Variants in SH3GL2 observed in about 807,000 individuals in gnomAD.
SH3GL2 encodes the protein SH3 domain containing GRB2 like 2, endophilin A1, also known as endophilin-A1.
In SH3GL2, 24 loss-of-function variants were observed where a neutral mutation model predicts 46.0. The ratio of observed to expected loss-of-function variants is 0.52; its 90% confidence interval spans 0.38 to 0.73. SH3GL2 has a LOEUF of 0.73. Among genes scored for constraint, SH3GL2 ranks in the 30% least tolerant of loss-of-function variants. SH3GL2 has a pLI of 0.00. For synonymous variants in SH3GL2, 196 were observed against 147.1 expected, an observed-to-expected ratio of 1.33 and a Z score of -2.40; for missense variants, 413 against 424.2, an observed-to-expected ratio of 0.97 and a Z score of 0.23.
intron 1 of SH3GL2, among the ~76,000 whole-genome samples, chr9:17,711,144 A>G (rs2118271223): frequency 6.6e-6 from 1 of 151,958 alleles, no homozygotes; most frequent in Admixed American, 6.6e-5. Flanking sequence ...AGGTGCTTCA[A>G]AGGATGCCTG....
intron 1 of SH3GL2, among the ~76,000 whole-genome samples, chr9:17,588,243 G>A (rs925241966): frequency 3.3e-5 from 5 of 151,908 alleles, no homozygotes; most frequent in African/African-American, 1.2e-4. Context: ...ATGTTCATAA[G>A]CCAGGCCTGG....
chr9:17,640,515 T>A (rs1055937212), intron 1 of SH3GL2, among the ~76,000 whole-genome samples: 2 of 152,164 alleles, frequency 1.3e-5, no homozygotes, highest in African/African-American at 4.8e-5. Flanking sequence ...ACCAACAACG[T>A]TGGTATGATT....
intron 2 of SH3GL2, among the ~76,000 whole-genome samples, chr9:17,748,180 T>C (rs893806051): frequency 9.2e-5 from 14 of 152,342 alleles, no homozygotes; most frequent in Admixed American, 9.1e-4. Flanking sequence ...TCTTTTACTT[T>C]AACGCTCTTC....
chr9:17,761,620 C>A, intron 3 of SH3GL2, 111 bp downstream of exon 3: 1 of 802,068 alleles, frequency 1.2e-6, no homozygotes, highest in South Asian at 1.3e-5. Context: ...CTTCCTCGGT[C>A]CACTTTTCTG....
At chr9:17,790,271 G>A (rs182842156) in intron 6 of SH3GL2, 1 of 178,954 alleles carries the variant, frequency 5.6e-6, no homozygotes, top group Non-Finnish European at 1.1e-5. Flanking sequence ...AGTCTACTAA[G>A]TGAATGCCAG....
intron 1 of SH3GL2, among the ~76,000 whole-genome samples, chr9:17,608,293 G>A (rs190314247): frequency 2.6e-4 from 39 of 151,742 alleles, no homozygotes; most frequent in Admixed American, 1.7e-3. Context: ...GACTACAGGC[G>A]CCCACCACCA....
chr9:17,750,619 CT>C (rs1248915645), intron 2 of SH3GL2, among the ~76,000 whole-genome samples: 2 of 152,106 alleles, frequency 1.3e-5, no homozygotes, highest in African/African-American at 4.8e-5. Context: ...TGCTTACAAG[CT>C]TTGTTAAACA....
intron 1 of SH3GL2, among the ~76,000 whole-genome samples, chr9:17,717,170 T>G (rs1020124115): frequency 6.6e-6 from 1 of 152,070 alleles, no homozygotes; most frequent in Non-Finnish European, 1.5e-5. Flanking sequence ...ACTTGTGGAG[T>G]CTCCTATTCG....
intron 1 of SH3GL2, among the ~76,000 whole-genome samples, chr9:17,703,001 T>C (rs961712729): frequency 6.6e-6 from 1 of 152,038 alleles, no homozygotes; most frequent in Non-Finnish European, 1.5e-5. Context: ...TATCCTGCCT[T>C]AAAAATCGCT....
At chr9:17,743,997 A>G (rs1185130463) in intron 1 of SH3GL2, among the ~76,000 whole-genome samples, 1 of 152,176 alleles carries the variant, frequency 6.6e-6, no homozygotes, top group Non-Finnish European at 1.5e-5. Context: ...ATCTATAATG[A>G]TTCTCTTTGA....
intron 1 of SH3GL2, among the ~76,000 whole-genome samples, chr9:17,680,088 C>T (rs1820728042): frequency 1.3e-5 from 2 of 152,042 alleles, no homozygotes; most frequent in Non-Finnish European, 2.9e-5. Flanking sequence ...GTCTAAAATT[C>T]TCTTTTTTTG....
At chr9:17,637,786 A>G (rs900989874) in intron 1 of SH3GL2, among the ~76,000 whole-genome samples, 16 of 152,230 alleles carry the variant, frequency 1.1e-4, no homozygotes, top group African/African-American at 3.9e-4. Flanking sequence ...AGTGCCTAGC[A>G]TAATGTCATG....
chr9:17,720,491 G>A (rs1457322966), intron 1 of SH3GL2, among the ~76,000 whole-genome samples: 1 of 152,036 alleles, frequency 6.6e-6, no homozygotes, highest in African/African-American at 2.4e-5. Context: ...CAGCTGGATT[G>A]GTTACAACTC....
chr9:17,662,868 C>T (rs1264689166), intron 1 of SH3GL2, among the ~76,000 whole-genome samples: 1 of 152,128 alleles, frequency 6.6e-6, no homozygotes, highest in Admixed American at 6.5e-5. Flanking sequence ...CGCCACCACG[C>T]CCAGCTCATT....
intron 1 of SH3GL2, among the ~76,000 whole-genome samples, chr9:17,674,478 G>A (rs1820556773): frequency 6.6e-6 from 1 of 151,984 alleles, no homozygotes; most frequent in Admixed American, 6.6e-5. Context: ...TATCGCCCAG[G>A]CTGTGTCAAA....
At chr9:17,774,924 G>T (rs912183387) in intron 3 of SH3GL2, among the ~76,000 whole-genome samples, 5 of 149,648 alleles carry the variant, frequency 3.3e-5, no homozygotes, top group East Asian at 3.9e-4. Flanking sequence ...GCTTGTTTTT[G>T]TTGGGAGATT....
At chr9:17,621,684 C>T (rs1201662846) in intron 1 of SH3GL2, among the ~76,000 whole-genome samples, 3 of 152,160 alleles carry the variant, frequency 2.0e-5, no homozygotes, top group Non-Finnish European at 4.4e-5. Context: ...GCTGTGAGGG[C>T]ACCTAGGACT....
chr9:17,666,087 G>A (rs906514254), intron 1 of SH3GL2, among the ~76,000 whole-genome samples: 17 of 151,418 alleles, frequency 1.1e-4, no homozygotes, highest in African/African-American at 3.9e-4. Flanking sequence ...CTACCCTACA[G>A]CACCATGAAA....
intron 1 of SH3GL2, among the ~76,000 whole-genome samples, chr9:17,718,667 C>T (rs1319962830): frequency 2.0e-5 from 3 of 152,056 alleles, no homozygotes; most frequent in Admixed American, 6.6e-5. Context: ...GAGATCAAGG[C>T]TGAAGTTAGT....
Sources: gnomAD v4.1 joint callset for allele counts (sites outside exome capture counted in the v4.1 genomes callset) on GRCh38, gnomAD v4.1.1 for gene constraint, MANE v1.5 for transcripts, NCBI Gene and HGNC (gene_info 2026-07-23, HGNC 2026-07-21) for gene names.